The following RFX6 variants were observed in gnomAD, a reference collection of about 807,000 sequenced individuals.
The protein encoded by RFX6 is regulatory factor X6.
In RFX6, 50 loss-of-function variants were observed where a neutral mutation model predicts 110.8. The observed-to-expected ratio is 0.45, with a 90% CI of 0.36 to 0.57. The LOEUF (loss-of-function observed/expected upper bound fraction) is 0.57, where lower values mean the gene tolerates loss of function less well. Among genes scored for constraint, RFX6 ranks in the 20% least tolerant of loss-of-function variants. RFX6 has a pLI of 0.00. For synonymous variants in RFX6, 383 were observed against 411.2 expected, an observed-to-expected ratio of 0.93 and a Z score of 0.83; for missense variants, 990 against 1,127.0, an observed-to-expected ratio of 0.88 and a Z score of 1.74.
At chr6:116,929,113 A>AT in intron 18 of RFX6, 142 bp downstream of exon 18, 4 of 691,874 alleles carry the variant, frequency 5.8e-6, no homozygotes, top group East Asian at 5.4e-5. Context: ...CTAAAGTTAT[A>AT]TTTTTTGTAT....
intron 4 of RFX6, among the ~76,000 whole-genome samples, chr6:116,882,994 C>T (rs1774622882): frequency 6.6e-6 from 1 of 152,126 alleles, no homozygotes; most frequent in African/African-American, 2.4e-5. Flanking sequence ...CTCTGGAGAA[C>T]TCCCAGGTAC....
chr6:116,926,080 G>A (rs1414102244), intron 16 of RFX6, among the ~76,000 whole-genome samples: 1 of 152,118 alleles, frequency 6.6e-6, no homozygotes, highest in Non-Finnish European at 1.5e-5. Context: ...ATTTTGGGAG[G>A]CCGAGGCGAG....
At chr6:116,926,418 G>A (rs1015917917) in intron 16 of RFX6, among the ~76,000 whole-genome samples, 19 of 152,084 alleles carry the variant, frequency 1.2e-4, no homozygotes, top group Non-Finnish European at 2.5e-4. Flanking sequence ...CTAGCTACTC[G>A]GGAATATTTT....
chr6:116,911,650 A>G (rs547122358), intron 7 of RFX6, among the ~76,000 whole-genome samples: 7 of 152,214 alleles, frequency 4.6e-5, no homozygotes, highest in Non-Finnish European at 1.0e-4. Flanking sequence ...CTGTACTTCT[A>G]AAGTCATTTG....
intron 7 of RFX6, among the ~76,000 whole-genome samples, chr6:116,912,576 C>G (rs1775375143): frequency 6.6e-6 from 1 of 152,030 alleles, no homozygotes; most frequent in Admixed American, 6.5e-5. Context: ...TGTGAGGATT[C>G]CTGTGGAAAT....
rs763169871 is a variant in RFX6, at chr6:116,922,032, T to TC, written c.1328-8dup. The TC allele has an allele frequency of 2.5e-4, 287 of 1,157,538 alleles. 1 individual carries two copies. The highest frequency in any genetic ancestry group is 3.3e-4 in the Non-Finnish European group (257 of 773,342). The allele number at this position is 1,157,538 out of a possible 1,614,324, so 71.7% of individuals were successfully genotyped here. A position where few individuals can be genotyped will look rare whatever the true frequency, so the allele number is the denominator to read the frequency against. On this transcript the variant is annotated splice_polypyrimidine_tract_variant and intron_variant, in intron 12 of 18. Coordinates refer to ENST00000332958, the MANE Select transcript of RFX6 (RefSeq NM_173560.4). ...TTCTTTTCTTTCTTTTTTTTTTTTTTCCTGGGTAGATGACTCTATCACTGT... is the reference window on the plus strand; with the variant it reads ...TTCTTTTCTTTCTTTTTTTTTTTTTTCCCTGGGTAGATGACTCTATCACTGT...
At chr6:116,912,760 C>T (rs1317415010) in intron 7 of RFX6, among the ~76,000 whole-genome samples, 2 of 152,128 alleles carry the variant, frequency 1.3e-5, no homozygotes, top group South Asian at 4.1e-4. Context: ...GAAACAGGCT[C>T]CAATAGTTTA....
In RFX6 at chr6:116,919,298, T is replaced by C; in HGVS notation, c.1182+2T>C. ...ACATCTTTCTTACATCTTGCCCAGG[T>C]ATGTTGGTTGCTAAGTCGAGAGCAT... On this transcript the variant is annotated splice_donor_variant, in intron 11 of 18. Transcript: ENST00000332958. LOFTEE classifies it high-confidence loss of function. The C allele has an allele frequency of 6.2e-7, 1 of 1,612,804 alleles. No homozygotes were observed. Among genetic ancestry groups the C allele is most frequent in the Non-Finnish European group, 8.5e-7 (1 of 1,178,948 alleles).
chr6:116,910,203 C>T (rs1456527075), intron 6 of RFX6, among the ~76,000 whole-genome samples: 2 of 152,032 alleles, frequency 1.3e-5, no homozygotes, highest in Non-Finnish European at 2.9e-5. Flanking sequence ...GAGGAACAAT[C>T]AGTTATGGCC....
intron 7 of RFX6, among the ~76,000 whole-genome samples, chr6:116,913,488 C>T (rs1313572960): frequency 1.3e-5 from 2 of 152,206 alleles, no homozygotes; most frequent in East Asian, 3.8e-4. Flanking sequence ...TCCCCCACCA[C>T]GTGCTCACTG....
intron 13 of RFX6, among the ~76,000 whole-genome samples, chr6:116,922,385 AC>A (rs1324462882): frequency 6.6e-6 from 1 of 152,204 alleles, no homozygotes; most frequent in Non-Finnish European, 1.5e-5. Flanking sequence ...CCGAAAGACT[AC>A]AAGATGCTCT....
intron 13 of RFX6, among the ~76,000 whole-genome samples, chr6:116,922,880 T>C (rs1326425769): frequency 6.6e-6 from 1 of 152,184 alleles, no homozygotes; most frequent in Non-Finnish European, 1.5e-5. Context: ...TGTTGTCTAA[T>C]TCTATTAGGA....
chr6:116,917,970 C>T, intron 9 of RFX6, 67 bp from the exon 10 acceptor site: 1 of 1,100,880 alleles, frequency 9.1e-7, no homozygotes, highest in Non-Finnish European at 1.4e-6. Context: ...AGTAGTTGAC[C>T]AATAATATGT....
chr6:116,900,983 C>A (rs146241382), intron 6 of RFX6, among the ~76,000 whole-genome samples: 1 of 151,938 alleles, frequency 6.6e-6, no homozygotes, highest in Non-Finnish European at 1.5e-5. Flanking sequence ...GAAAGGGATG[C>A]GCATTCAGTA....
intron 4 of RFX6, among the ~76,000 whole-genome samples, chr6:116,887,029 C>T (rs1415949534): frequency 6.6e-6 from 1 of 152,082 alleles, no homozygotes; most frequent in Non-Finnish European, 1.5e-5. Flanking sequence ...CACCACTGCA[C>T]TCCAGCCTGG....
intron 13 of RFX6, 84 bp from the exon 14 acceptor site, chr6:116,923,023 C>CT: frequency 1.3e-6 from 1 of 785,912 alleles, no homozygotes; most frequent in East Asian, 2.4e-5. Flanking sequence ...GTTAGACAGT[C>CT]TATTTACTTC....
At chr6:116,923,401 G>T in intron 14 of RFX6, 177 bp downstream of exon 14, 1 of 600,882 alleles carries the variant, frequency 1.7e-6, no homozygotes. Flanking sequence ...CCATAAGCAG[G>T]ATTAAATCCT....
In RFX6 at chr6:116,900,166, T is replaced by G. The variant is rs558327657; in HGVS notation, c.672+4959T>G. Among the ~76,000 whole-genome samples, 4 of 152,292 alleles carry G rather than the reference T, an allele frequency of 2.6e-5. No individual in the cohort carries two copies. In the East Asian group the frequency reaches 7.7e-4, roughly 29 times the overall value. The stretch of plus-strand genomic sequence containing the variant: ...CATATCTTGCTGAAGGCAGAATGAA[T>G]TTTTGGAAAATGTTTGGAAGATCTG... On this transcript the variant is annotated intron_variant, in intron 6 of 18. Transcript: ENST00000332958.
At position 116,882,208 on chromosome 6, in the gene RFX6, G is replaced by T. The variant is rs922759769; in HGVS notation, c.505-159G>T. 2.0e-5 allele frequency among the ~76,000 whole-genome samples: 3 copies of T among 152,082 alleles called. No homozygotes were observed. In the South Asian group the frequency reaches 6.2e-4, roughly 32 times the overall value. ...ACCTCCCTGCCTCTGCTGATGTATT[G>T]CTTATCAATATGTGTAAGTTATTAC... On this transcript the variant is annotated intron_variant, in intron 3 of 18. Transcript: ENST00000332958.
Sources: allele counts gnomAD v4.1 joint callset (sites outside exome capture counted in the v4.1 genomes callset), GRCh38; gene constraint gnomAD v4.1.1; transcripts MANE v1.5; gene names NCBI Gene and HGNC (gene_info 2026-07-23, HGNC 2026-07-21).